The following FAM168A variants were observed in gnomAD, a reference collection of about 807,000 sequenced individuals.
FAM168A encodes the protein protein FAM168A.
A neutral mutation model predicts 28.5 loss-of-function variants in FAM168A; 3 were observed. The observed-to-expected ratio is 0.11, with a 90% confidence interval of 0.05 to 0.27. FAM168A has a LOEUF of 0.27. FAM168A is among the 10% of genes least tolerant of loss of function. The pLI is 1.00. For synonymous variants in FAM168A, 122 were observed against 124.2 expected, an observed-to-expected ratio of 0.98 and a Z score of 0.12; for missense variants, 222 against 311.5, an observed-to-expected ratio of 0.71 and a Z score of 2.16.
At chr11:73,576,441 G>A (rs1189464971) in intron 1 of FAM168A, among the ~76,000 whole-genome samples, 1 of 152,118 alleles carries the variant, frequency 6.6e-6, no homozygotes, top group Admixed American at 6.5e-5. Context: ...TCCCATTGAG[G>A]CTACAGCCAT....
At chr11:73,509,416 A>C (rs1855174442) in intron 1 of FAM168A, among the ~76,000 whole-genome samples, 1 of 152,198 alleles carries the variant, frequency 6.6e-6, no homozygotes, top group Non-Finnish European at 1.5e-5. Context: ...AATAATTCCC[A>C]TCCACCACTG....
intron 1 of FAM168A, among the ~76,000 whole-genome samples, chr11:73,501,189 T>C (rs1321019130): frequency 6.6e-6 from 1 of 152,180 alleles, no homozygotes; most frequent in African/African-American, 2.4e-5. Flanking sequence ...CCCAAATTCA[T>C]AAAACAAGTT....
chr11:73,551,406 A>G (rs1452239467), intron 1 of FAM168A, among the ~76,000 whole-genome samples: 2 of 152,218 alleles, frequency 1.3e-5, no homozygotes, highest in East Asian at 1.9e-4. Context: ...AACATACCCT[A>G]TCTTAAATGG....
chr11:73,449,082 C>A (rs1321438954), intron 2 of FAM168A, among the ~76,000 whole-genome samples: 1 of 151,980 alleles, frequency 6.6e-6, no homozygotes, highest in African/African-American at 2.4e-5. Flanking sequence ...CTCAAGCAAT[C>A]CTCCTGCCTT....
intron 2 of FAM168A, among the ~76,000 whole-genome samples, chr11:73,465,969 G>C (rs1268533165): frequency 6.6e-6 from 1 of 152,058 alleles, no homozygotes; most frequent in African/African-American, 2.4e-5. Flanking sequence ...AAAAGGGAGA[G>C]AGAGAGAGAG....
intron 1 of FAM168A, among the ~76,000 whole-genome samples, chr11:73,566,511 A>G (rs1251809728): frequency 6.6e-6 from 1 of 152,202 alleles, no homozygotes; most frequent in Non-Finnish European, 1.5e-5. Context: ...TTAAGCATCC[A>G]TTTGTTGAAA....
chr11:73,548,733 T>G (rs558769712), intron 1 of FAM168A, among the ~76,000 whole-genome samples: 2 of 152,256 alleles, frequency 1.3e-5, no homozygotes, highest in East Asian at 3.9e-4. Context: ...CTTGACTTCC[T>G]GGGCTCAAGT....
chr11:73,517,243 T>C (rs1943316648), intron 1 of FAM168A, among the ~76,000 whole-genome samples: 1 of 152,168 alleles, frequency 6.6e-6, no homozygotes, highest in African/African-American at 2.4e-5. Flanking sequence ...AGAGACATTG[T>C]CATGTTGTTC....
At chr11:73,561,061 C>CAAA (rs34101924) in intron 1 of FAM168A, among the ~76,000 whole-genome samples, 1 of 86,726 alleles carries the variant, frequency 1.2e-5, no homozygotes, top group Non-Finnish European at 2.2e-5. Context: ...GACTCTGTCC[C>CAAA]AAAAAAAAAA....
chr11:73,484,695 G>GATATATATAGATATATATATAGATAT (rs1565265992), intron 1 of FAM168A, among the ~76,000 whole-genome samples: 2 of 80,198 alleles, frequency 2.5e-5, no homozygotes, highest in East Asian at 4.2e-4. Context: ...TAGATATATA[G>GATATATATAGATATATATATAGATAT]ATATAGATAT....
At chr11:73,480,596 G>C (rs768789872) in intron 1 of FAM168A, among the ~76,000 whole-genome samples, 7 of 152,154 alleles carry the variant, frequency 4.6e-5, no homozygotes, top group Non-Finnish European at 8.8e-5. Flanking sequence ...GAAACAGAGA[G>C]AGGATGTCAT....
intron 1 of FAM168A, among the ~76,000 whole-genome samples, chr11:73,534,375 T>G (rs1301309663): frequency 6.6e-6 from 1 of 151,980 alleles, no homozygotes; most frequent in African/African-American, 2.4e-5. Flanking sequence ...TATCATGTAT[T>G]TCTTTCTTTC....
At chr11:73,576,745 C>T (rs1243216825) in intron 1 of FAM168A, among the ~76,000 whole-genome samples, 1 of 152,150 alleles carries the variant, frequency 6.6e-6, no homozygotes, top group Non-Finnish European at 1.5e-5. Flanking sequence ...ATCCTGGGCT[C>T]ACCCAGGAGG....
chr11:73,569,113 T>G (rs1944056459), intron 1 of FAM168A, among the ~76,000 whole-genome samples: 1 of 152,230 alleles, frequency 6.6e-6, no homozygotes, highest in Non-Finnish European at 1.5e-5. Context: ...CTGGCTCAAC[T>G]ATATTTAATG....
chr11:73,412,782 T>C (rs893679112), intron 4 of FAM168A, among the ~76,000 whole-genome samples: 6 of 152,216 alleles, frequency 3.9e-5, no homozygotes, highest in African/African-American at 1.4e-4. Context: ...TGGGTAAGTC[T>C]AGCAGACCTC....
At chr11:73,470,198 C>A (rs776360967) in intron 1 of FAM168A, among the ~76,000 whole-genome samples, 8 of 152,200 alleles carry the variant, frequency 5.3e-5, no homozygotes, top group Non-Finnish European at 1.0e-4. Flanking sequence ...TCGTGAGCCA[C>A]CGCGCCTGGC....
chr11:73,502,486 A>G (rs977464812), intron 1 of FAM168A, among the ~76,000 whole-genome samples: 4 of 152,226 alleles, frequency 2.6e-5, no homozygotes, highest in African/African-American at 7.2e-5. Flanking sequence ...GAAGTCTGAA[A>G]TTGAGGCAGT....
At chr11:73,541,910 C>T (rs1047693422) in intron 1 of FAM168A, among the ~76,000 whole-genome samples, 2 of 152,266 alleles carry the variant, frequency 1.3e-5, no homozygotes, top group African/African-American at 4.8e-5. Flanking sequence ...ATCCAATGTC[C>T]CAGTTATTTA....
In FAM168A at chr11:73,445,419, C is replaced by CTTTTTTTTTTTTTTTTT. The variant is rs56294455; in HGVS notation, c.71-14666_71-14650dup. On this transcript the variant is annotated intron_variant, in intron 2 of 7. Transcript: ENST00000356467. ...CCAGTAGATATATGTAAAAATGTCT[C>CTTTTTTTTTTTTTTTTT]TTTTTTTTTTTTTTTTTTTTTTTTT... Among the ~76,000 whole-genome samples the CTTTTTTTTTTTTTTTTT allele has an allele frequency of 1.3e-3, 65 of 50,458 alleles. 3 individuals carry two copies. Among genetic ancestry groups the CTTTTTTTTTTTTTTTTT allele is most frequent in the African/African-American group, 2.2e-3 (31 of 14,032 alleles). 33.1% of individuals were successfully genotyped at this position (50,458 alleles called of 152,430 possible).
Sources: gnomAD v4.1 joint callset for allele counts (sites outside exome capture counted in the v4.1 genomes callset) on GRCh38, gnomAD v4.1.1 for gene constraint, MANE v1.5 for transcripts, NCBI Gene and HGNC (gene_info 2026-07-23, HGNC 2026-07-21) for gene names.